TP73: variants seen among roughly 807,000 people sequenced by gnomAD.
TP73 encodes tumor protein p73.
TP73 carries 25 observed loss-of-function variants against 62.5 expected under a neutral mutation model. The observed-to-expected ratio is 0.40, with a 90% confidence interval of 0.29 to 0.56. TP73 has a LOEUF of 0.56. TP73 is among the 20% of genes least tolerant of loss of function. The probability of loss-of-function intolerance (pLI) is 0.46; values close to 1 mark genes in which losing one functional copy is unlikely to be tolerated. For missense variants in TP73, 754 were observed against 913.3 expected, an observed-to-expected ratio of 0.83 and a Z score of 2.25; for synonymous variants, 423 against 377.5, an observed-to-expected ratio of 1.12 and a Z score of -1.40.
intron 12 of TP73, 84 bp downstream of exon 12, chr1:3,731,149 C>A (rs2124544979): frequency 6.5e-7 from 1 of 1,535,170 alleles, no homozygotes; most frequent in Non-Finnish European, 8.8e-7. Context: ...GCTGCCCTGC[C>A]CCACCCTGTG....
At chr1:3,717,910 G>A (rs1395576109) in intron 4 of TP73, among the ~76,000 whole-genome samples, 1 of 152,224 alleles carries the variant, frequency 6.6e-6, no homozygotes, top group Non-Finnish European at 1.5e-5. Flanking sequence ...AGGCATGTAT[G>A]CCCCAAAGGC....
At position 3,655,107 on chromosome 1, in the gene TP73, C is replaced by G. The variant is rs558596074; in HGVS notation, c.-34+2466C>G. ...AAAGTCTTCAAAACATCCTTTAAGG[C>G]CAGGCGCCGTGGCCCACGCCTGTAA... On this transcript the variant is annotated intron_variant, in intron 1 of 13. Transcript: ENST00000378295. Among the ~76,000 whole-genome samples, 4 of 152,240 alleles carry G rather than the reference C, an allele frequency of 2.6e-5. No individual in the cohort carries two copies. In the East Asian group the frequency reaches 7.7e-4, roughly 29 times the overall value.
In TP73 at chr1:3,663,986, C is replaced by T. The variant is rs1486830288; in HGVS notation, c.-34+11345C>T. Among the ~76,000 whole-genome samples, 1 of 152,196 alleles carries T rather than the reference C, an allele frequency of 6.6e-6. No individual in the cohort carries two copies. The highest frequency in any genetic ancestry group is 1.5e-5 in the Non-Finnish European group (1 of 68,036). On this transcript the variant is annotated intron_variant, in intron 1 of 13. Transcript: ENST00000378295. This position sits in a 1 kb window ranked among gnomAD's most constrained non-coding sequence, Gnocchi z 4.7. ...CCTGGGGGTCGTGGCCGGCCCCCCT[C>T]CCTCCATGCCACAGGCTCTCTGGAG...
At chr1:3,721,465 G>A (rs1052060812) in intron 4 of TP73, among the ~76,000 whole-genome samples, 1 of 152,238 alleles carries the variant, frequency 6.6e-6, no homozygotes, top group Non-Finnish European at 1.5e-5. Flanking sequence ...GGCCATGAGA[G>A]GCCTTCACAC....
intron 1 of TP73, among the ~76,000 whole-genome samples, chr1:3,653,840 T>C (rs1246238656): frequency 6.6e-6 from 1 of 152,220 alleles, no homozygotes; most frequent in Non-Finnish European, 1.5e-5. Flanking sequence ...TGTTGCCATA[T>C]ATGAATGTAT....
chr1:3,727,885 C>A, intron 8 of TP73, 115 bp downstream of exon 8: 2 of 1,394,602 alleles, frequency 1.4e-6, no homozygotes, highest in African/African-American at 1.4e-5. Context: ...CGGCCCCCCA[C>A]GCCCAGACTC....
At chr1:3,692,484 T>C (rs1645872304) in intron 3 of TP73, among the ~76,000 whole-genome samples, 1 of 152,236 alleles carries the variant, frequency 6.6e-6, no homozygotes, top group Non-Finnish European at 1.5e-5. Context: ...CTCCCTTGTC[T>C]GGCTGTCACC....
chr1:3,722,404 G>A (rs369805011), intron 5 of TP73, among the ~76,000 whole-genome samples, 197 bp downstream of exon 5: 172 of 152,350 alleles, frequency 1.1e-3, no homozygotes, highest in African/African-American at 4.1e-3. Flanking sequence ...CATGCTCCTG[G>A]GCAGGGGCAA....
chr1:3,677,305 C>T (rs1027402278), intron 1 of TP73, among the ~76,000 whole-genome samples: 2 of 152,116 alleles, frequency 1.3e-5, no homozygotes, highest in Admixed American at 6.5e-5. Context: ...GGAGGGCCCT[C>T]GGTGGCTGGT....
chr1:3,693,670 G>T (rs904492900), intron 3 of TP73, among the ~76,000 whole-genome samples: 5 of 151,844 alleles, frequency 3.3e-5, no homozygotes, highest in African/African-American at 7.3e-5. Flanking sequence ...GAGAGCTGCC[G>T]CCTCAGCCCC....
At chr1:3,713,268 G>A (rs559150673) in intron 4 of TP73, among the ~76,000 whole-genome samples, 1 of 152,336 alleles carries the variant, frequency 6.6e-6, no homozygotes, top group African/African-American at 2.4e-5. Context: ...AGCCTCATGG[G>A]CGAGAAGCCA....
At chr1:3,669,339 T>G (rs1645190155) in intron 1 of TP73, among the ~76,000 whole-genome samples, 1 of 152,148 alleles carries the variant, frequency 6.6e-6, no homozygotes, top group Non-Finnish European at 1.5e-5. Context: ...GGGGAGGCCT[T>G]GCCCACAGTT....
chr1:3,673,904 G>A lies in TP73; in HGVS notation c.-33-8429G>A, dbSNP rs186048600. ...GGGAACACGGACTGGGGAGGGGATT[G>A]CAGCCGGGCCCGTGCCTCCCTTGCT... is the stretch of plus-strand genomic sequence containing the variant. On this transcript the variant is annotated intron_variant, in intron 1 of 13. Coordinates refer to ENST00000378295, the MANE Select transcript of TP73 (RefSeq NM_005427.4). Among the ~76,000 whole-genome samples, 461 of 152,274 alleles carry A rather than the reference G, an allele frequency of 3.0e-3. 6 individuals carry two copies. Among genetic ancestry groups the A allele is most frequent in the Non-Finnish European group, 3.4e-3 (229 of 68,008 alleles).
chr1:3,682,936 G>A (rs1645558972), intron 2 of TP73, 124 bp from the exon 3 acceptor site: 2 of 1,320,906 alleles, frequency 1.5e-6, no homozygotes, highest in Admixed American at 4.5e-5. Context: ...AGAGGGAATG[G>A]GAAGGGCAGG....
rs532347710 is a variant in TP73, at chr1:3,707,491, G to A, written c.187-58G>A. 4.7e-4 allele frequency: 734 copies of A among 1,566,076 alleles called. No homozygotes were observed. The Middle Eastern group carries it at 5.0e-3, about 11-fold the overall frequency. On this transcript the variant is annotated intron_variant, in intron 3 of 13. Transcript: ENST00000378295. The stretch of plus-strand genomic sequence containing the variant: ...TCCTGTAACAGGACACCTCCTAGAC[G>A]GGACAGGACGACTGACTGTGTGTGT...
At chr1:3,656,581 T>G (rs1038460582) in intron 1 of TP73, among the ~76,000 whole-genome samples, 7 of 152,230 alleles carry the variant, frequency 4.6e-5, no homozygotes, top group Non-Finnish European at 8.8e-5. Context: ...AGGCTTCAAC[T>G]GGCTATTCTA....
At chr1:3,721,517 G>C (rs1284893869) in intron 4 of TP73, among the ~76,000 whole-genome samples, 2 of 152,234 alleles carry the variant, frequency 1.3e-5, no homozygotes, top group African/African-American at 4.8e-5. Context: ...TGCATAGTGG[G>C]CAACCAGCCC....
At chr1:3,665,503 G>A (rs1288542218) in intron 1 of TP73, among the ~76,000 whole-genome samples, 2 of 152,136 alleles carry the variant, frequency 1.3e-5, no homozygotes. Context: ...AACAGAAAGA[G>A]TCTACTCTTG....
chr1:3,729,531 C>T (rs1570644903), intron 10 of TP73, 83 bp downstream of exon 10: 5 of 1,601,004 alleles, frequency 3.1e-6, no homozygotes, highest in Non-Finnish European at 4.2e-6. Context: ...GGACCAGAAA[C>T]CCCTCCAGAA....
Sources: allele counts gnomAD v4.1 joint callset (sites outside exome capture counted in the v4.1 genomes callset), GRCh38; gene constraint gnomAD v4.1.1; non-coding constraint Gnocchi (gnomAD v3.1); transcripts MANE v1.5; gene names NCBI Gene and HGNC (gene_info 2026-07-23, HGNC 2026-07-21).